Variants in PITPNM2 observed in about 807,000 individuals in gnomAD.
PITPNM2 encodes membrane-associated phosphatidylinositol transfer protein 2.
Under a neutral mutation model 132.2 loss-of-function variants are expected in PITPNM2, and 35 were observed. That is an observed-to-expected ratio of 0.26 (90% CI 0.20 to 0.35). PITPNM2 has a LOEUF of 0.35. Ranked by LOEUF, PITPNM2 falls within the 10% of genes least tolerant of loss-of-function variation. The pLI is 1.00. For missense variants in PITPNM2, 1,332 were observed against 1,912.0 expected, an observed-to-expected ratio of 0.70 and a Z score of 5.66; for synonymous variants, 738 against 799.2, an observed-to-expected ratio of 0.92 and a Z score of 1.29.
At chr12:123,125,610 C>T (rs1315125786) in intron 1 of PITPNM2, among the ~76,000 whole-genome samples, 2 of 151,590 alleles carry the variant, frequency 1.3e-5, no homozygotes, top group African/African-American at 4.8e-5. Flanking sequence ...TTTGGGAGGC[C>T]GAGGGGGGCG....
chr12:123,081,202 G>C (rs1372266952), intron 2 of PITPNM2: 1 of 152,180 alleles, frequency 6.6e-6, no homozygotes, highest in Non-Finnish European at 1.5e-5. Flanking sequence ...AGCTCCAGAG[G>C]CACCTCTAAA....
At chr12:123,085,555 G>A (rs937291706) in intron 2 of PITPNM2, among the ~76,000 whole-genome samples, 8 of 152,016 alleles carry the variant, frequency 5.3e-5, no homozygotes, top group Non-Finnish European at 5.9e-5. Flanking sequence ...GTTTCTGTTT[G>A]GGATGATAAA....
chr12:123,116,486 C>T (rs140550237), intron 1 of PITPNM2, among the ~76,000 whole-genome samples: 7,396 of 151,732 alleles, frequency 0.049, 433 homozygotes, highest in African/African-American at 0.14. Flanking sequence ...CCCATCTCTA[C>T]AAAAAATACA....
At chr12:123,136,663 T>C (rs1727318) in intron 1 of PITPNM2, among the ~76,000 whole-genome samples, 101,639 of 152,054 alleles carry the variant, frequency 0.67, 36,903 homozygotes, top group East Asian at 0.97. Flanking sequence ...TTTGGGAGGC[T>C]GAGGTGGGTG....
intron 2 of PITPNM2, chr12:123,081,900 G>A (rs1056278596): frequency 5.3e-5 from 8 of 152,308 alleles, no homozygotes; most frequent in African/African-American, 1.9e-4. Context: ...TGGGAAAGGA[G>A]GGGTAGTGGA....
intron 2 of PITPNM2, among the ~76,000 whole-genome samples, chr12:123,052,784 GTT>G (rs34269675): frequency 2.1e-5 from 3 of 140,808 alleles, no homozygotes; most frequent in Admixed American, 7.0e-5. Context: ...TTTTATTTAA[GTT>G]TTTTTTTTTT....
intron 5 of PITPNM2, 78 bp downstream of exon 5, chr12:123,012,535 A>G: frequency 1.3e-6 from 2 of 1,542,902 alleles, no homozygotes; most frequent in Non-Finnish European, 1.8e-6. Context: ...AGGTGTGGGG[A>G]AAAGGGGCAG....
intron 2 of PITPNM2, among the ~76,000 whole-genome samples, chr12:123,063,709 G>C (rs2041322348): frequency 6.6e-6 from 1 of 152,146 alleles, no homozygotes; most frequent in Non-Finnish European, 1.5e-5. Context: ...GAAAAGCCTA[G>C]AGCAGGGACC....
intron 2 of PITPNM2, among the ~76,000 whole-genome samples, chr12:123,049,899 A>G (rs893798527): frequency 1.3e-5 from 2 of 152,236 alleles, no homozygotes; most frequent in African/African-American, 4.8e-5. Flanking sequence ...TAATTGGCAA[A>G]TGTTCACAAA....
chr12:123,150,330 G>A lies in PITPNM2; in HGVS notation c.-200+423C>T, dbSNP rs1178921886. ...CCTGGGGACGTTCAGCTGGAGGCGG[G>A]AAGCAGAGAAGGCGGGCCGGGGGCT... is the stretch of plus-strand genomic sequence containing the variant. On this transcript the variant is annotated intron_variant, in intron 1 of 25. Coordinates refer to ENST00000320201, the MANE Select transcript of PITPNM2 (RefSeq NM_020845.3). This position sits in a 1 kb window ranked among gnomAD's most constrained non-coding sequence, Gnocchi z 6.0. 6.6e-6 allele frequency among the ~76,000 whole-genome samples: 1 copy of A among 152,078 alleles called. No individual in the cohort carries two copies. Among genetic ancestry groups the A allele is most frequent in the African/African-American group, 2.4e-5 (1 of 41,428 alleles).
chr12:123,024,150 T>C (rs549647573), intron 3 of PITPNM2, among the ~76,000 whole-genome samples: 2 of 152,204 alleles, frequency 1.3e-5, no homozygotes, highest in Non-Finnish European at 2.9e-5. Context: ...AAAAAGATTA[T>C]ACAAATGGTC....
chr12:122,996,852 G>C lies in PITPNM2; in HGVS notation c.1531C>G (p.Leu511Val), dbSNP rs2038451793. ...CLSSSQDHIP[L>V]AALPLLATSS... Reference sequence around the variant, plus strand: ...GTGGCCAGCAGGGGGAGGGCAGCCAGGGGAATGTGGTCCTGACTGCTGGAC... The same window carrying C: ...GTGGCCAGCAGGGGGAGGGCAGCCACGGGAATGTGGTCCTGACTGCTGGAC... The change falls in exon 12 of 26, where the codon CTG becomes GTG. Residue 511 changes from leucine (L) to valine (V), a missense_variant. Transcript: ENST00000320201. 2 of 1,597,898 alleles carry C rather than the reference G, an allele frequency of 1.3e-6. No homozygotes were observed. The highest frequency in any genetic ancestry group is 8.5e-7 in the Non-Finnish European group (1 of 1,175,844).
chr12:123,039,298 A>C (rs1651619112), intron 2 of PITPNM2, among the ~76,000 whole-genome samples: 1 of 152,272 alleles, frequency 6.6e-6, no homozygotes, highest in East Asian at 1.9e-4. Flanking sequence ...AAAAAGAAAA[A>C]ATTATCTGAT....
intron 2 of PITPNM2, among the ~76,000 whole-genome samples, chr12:123,041,202 G>A (rs768612178): frequency 6.6e-5 from 10 of 152,314 alleles, no homozygotes; most frequent in Middle Eastern, 6.8e-3. Context: ...TAGATTAAAT[G>A]AGGTGATGCA....
chr12:123,124,574 T>A (rs1004407676), intron 1 of PITPNM2, among the ~76,000 whole-genome samples: 2 of 152,076 alleles, frequency 1.3e-5, no homozygotes, highest in Admixed American at 6.5e-5. Context: ...AGAAGTCTTT[T>A]TTATTATTAT....
At position 123,010,094 on chromosome 12, in the gene PITPNM2, AG is replaced by A. The variant is rs1349406527; in HGVS notation, c.416-18del. The stretch of plus-strand genomic sequence containing the variant: ...CGATGAAGTCTGTGGGTAAACCCTT[AG>A]AGTGGCCACTTCTGCCCTGACCTCA... On this transcript the variant is annotated intron_variant, in intron 5 of 25. Coordinates refer to ENST00000320201, the MANE Select transcript of PITPNM2 (RefSeq NM_020845.3). 3.8e-6 allele frequency: 6 copies of A among 1,596,980 alleles called. No homozygotes were observed. The highest frequency in any genetic ancestry group is 5.2e-6 in the Non-Finnish European group (6 of 1,164,954).
intron 2 of PITPNM2, among the ~76,000 whole-genome samples, chr12:123,063,282 A>C (rs948879159): frequency 3.3e-5 from 5 of 152,238 alleles, no homozygotes; most frequent in African/African-American, 1.2e-4. Flanking sequence ...CTCTGGTACC[A>C]GCACTGCCAC....
At chr12:123,027,121 C>T (rs992320740) in intron 3 of PITPNM2, among the ~76,000 whole-genome samples, 2 of 152,064 alleles carry the variant, frequency 1.3e-5, no homozygotes, top group East Asian at 1.9e-4. Context: ...GATGGCCCCC[C>T]ACCTGTCCCT....
At chr12:123,010,175 G>C in intron 5 of PITPNM2, 98 bp from the exon 6 acceptor site, 2 of 1,063,376 alleles carry the variant, frequency 1.9e-6, no homozygotes, top group African/African-American at 1.6e-5. Flanking sequence ...CCAGGACTCT[G>C]GGCCTTGCCC....
Sources: gnomAD v4.1 joint callset for allele counts (sites outside exome capture counted in the v4.1 genomes callset) on GRCh38, gnomAD v4.1.1 for gene constraint, Gnocchi (gnomAD v3.1) non-coding constraint, MANE v1.5 for transcripts, NCBI Gene and HGNC (gene_info 2026-07-23, HGNC 2026-07-21) for gene names.